Variants in SYNE1 observed in about 807,000 individuals in gnomAD.
SYNE1 encodes spectrin repeat containing nuclear envelope protein 1.
Under a neutral mutation model 1,111.0 loss-of-function variants are expected in SYNE1, and 616 were observed. The observed-to-expected ratio is 0.55, with a 90% CI of 0.52 to 0.59. SYNE1 has a LOEUF of 0.59. Among genes scored for constraint, SYNE1 ranks in the 20% least tolerant of loss-of-function variants. SYNE1 has a pLI of 0.00. For synonymous variants in SYNE1, 3,855 were observed against 3,825.8 expected (o/e 1.01, Z -0.28); for missense variants, 10,006 against 10,417.0 (o/e 0.96, Z 1.72).
In SYNE1 at chr6:152,189,337, G is replaced by T. The variant is rs149744490; in HGVS notation, c.23216C>A (p.Ser7739Tyr). The change falls in exon 128 of 146, where the codon TCT becomes TAT. Residue 7739 changes from serine (S) to tyrosine (Y), a missense_variant. This residue lies in a region of SYNE1 where 2,182 missense variants were observed against 2,287.8 expected (regional missense o/e 0.95). Transcript: ENST00000367255. Reference protein sequence around the residue: ...TQLSLLKDTLSAYISADDISI... With the variant: ...TQLSLLKDTLYAYISADDISI... The stretch of plus-strand genomic sequence containing the variant: ...GATATCATCAGCACTGATATAGGCA[G>T]AGAGGGTGTCCTTCAGCAGGCTCAA... The T allele has an allele frequency of 4.1e-5, 66 of 1,614,112 alleles. No individual in the cohort carries two copies. In the African/African-American group the frequency reaches 6.1e-4, roughly 15 times the overall value.
At chr6:152,433,549 AATG>A (rs1317123801) in intron 34 of SYNE1, 1 of 525,470 alleles carries the variant, frequency 1.9e-6, no homozygotes, top group African/African-American at 1.9e-5. Flanking sequence ...AAAATATTTT[AATG>A]ATATTTCACA....
chr6:152,507,584 C>A (rs1231481072), intron 8 of SYNE1, among the ~76,000 whole-genome samples: 1 of 151,984 alleles, frequency 6.6e-6, no homozygotes, highest in African/African-American at 2.4e-5. Flanking sequence ...TAGATATGAA[C>A]CAAAAGAAAG....
At chr6:152,172,435 T>C (rs2065442936) in intron 130 of SYNE1, among the ~76,000 whole-genome samples, 1 of 152,182 alleles carries the variant, frequency 6.6e-6, no homozygotes, top group Non-Finnish European at 1.5e-5. Flanking sequence ...GATTTAGGTT[T>C]AGCCGAGAGA....
rs146191372 is a variant in SYNE1, at chr6:152,201,674, A to C, written c.23145+150T>G. 844 of 1,059,044 alleles carry C rather than the reference A, an allele frequency of 8.0e-4. 5 individuals carry two copies. In the African/African-American group the frequency reaches 0.012, roughly 15 times the overall value. The allele number at this position is 1,059,044 out of a possible 1,614,324, so 65.6% of individuals were successfully genotyped here. A position where few individuals can be genotyped will look rare whatever the true frequency, so the allele number is the denominator to read the frequency against. On this transcript the variant is annotated intron_variant, in intron 127 of 145. Coordinates refer to ENST00000367255, the MANE Select transcript of SYNE1 (RefSeq NM_182961.4). ...ATCAACTGCAATAAATCAGCCATACAAGTTTCACCTGAGTTGCCTGTCCTT... is the reference window on the plus strand; with the variant it reads ...ATCAACTGCAATAAATCAGCCATACCAGTTTCACCTGAGTTGCCTGTCCTT...
chr6:152,454,426 G>C (rs934078853), intron 24 of SYNE1, among the ~76,000 whole-genome samples: 4 of 152,132 alleles, frequency 2.6e-5, no homozygotes, highest in Non-Finnish European at 5.9e-5. Flanking sequence ...TGCCATGTGA[G>C]GGCACAGGGA....
At chr6:152,208,264 A>C in intron 124 of SYNE1, 58 bp from the exon 125 acceptor site, 1 of 1,481,704 alleles carries the variant, frequency 6.7e-7, no homozygotes, top group South Asian at 1.1e-5. Context: ...GCAGTTACGC[A>C]ATCAGCCAAT....
At chr6:152,333,169 A>G (rs1050870789) in intron 77 of SYNE1, among the ~76,000 whole-genome samples, 3 of 152,192 alleles carry the variant, frequency 2.0e-5, no homozygotes, top group Non-Finnish European at 4.4e-5. Context: ...AAAGTATGGA[A>G]TGGTTTCATA....
intron 51 of SYNE1, among the ~76,000 whole-genome samples, chr6:152,393,820 G>A (rs1206067553): frequency 1.6e-5 from 2 of 127,830 alleles, no homozygotes; most frequent in Non-Finnish European, 3.4e-5. Context: ...CTGAATTCTG[G>A]AATTTCTTTT....
chr6:152,310,357 G>C, intron 89 of SYNE1, 39 bp downstream of exon 89: 1 of 1,612,932 alleles, frequency 6.2e-7, no homozygotes, highest in Non-Finnish European at 8.5e-7. Context: ...TAAAAATATA[G>C]GTCCCTGTCC....
At chr6:152,505,463 C>T in intron 8 of SYNE1, 66 bp from the exon 9 acceptor site, 1 of 1,538,116 alleles carries the variant, frequency 6.5e-7, no homozygotes, top group Non-Finnish European at 8.9e-7. Context: ...TCTTCAAGGC[C>T]TCATGCAAAA....
chr6:152,476,867 TAAAAAAA>T (rs4034729), intron 14 of SYNE1, among the ~76,000 whole-genome samples: 5 of 140,794 alleles, frequency 3.6e-5, no homozygotes, highest in South Asian at 4.6e-4. Context: ...AGACCCTATC[TAAAAAAA>T]AAAAAAAGAA....
At chr6:152,465,099 T>C (rs1431348835) in intron 18 of SYNE1, among the ~76,000 whole-genome samples, 159 bp downstream of exon 18, 1 of 152,162 alleles carries the variant, frequency 6.6e-6, no homozygotes, top group African/African-American at 2.4e-5. Flanking sequence ...AGTGTATTTA[T>C]TGGTCTGTTG....
At chr6:152,452,052 T>C (rs1334460024) in intron 25 of SYNE1, among the ~76,000 whole-genome samples, 2 of 151,414 alleles carry the variant, frequency 1.3e-5, no homozygotes, top group African/African-American at 4.9e-5. Context: ...GCTGACCACC[T>C]GCCATATCCT....
Position 152,451,036 on chromosome 6 carries a change from G to A in SYNE1, c.3186+11C>T. 6 of 1,614,018 alleles carry A rather than the reference G, an allele frequency of 3.7e-6. No homozygotes were observed. Among genetic ancestry groups the A allele is most frequent in the Non-Finnish European group, 5.1e-6 (6 of 1,179,996 alleles). On this transcript the variant is annotated intron_variant, in intron 26 of 145. Coordinates refer to ENST00000367255, the MANE Select transcript of SYNE1 (RefSeq NM_182961.4). ...GACACGGCTATCCACATTGTGGTGT[G>A]GGAGACGTACCCTGTGCTCTTTAAT... is the stretch of plus-strand genomic sequence containing the variant.
intron 6 of SYNE1, among the ~76,000 whole-genome samples, chr6:152,512,654 A>G (rs2099090933): frequency 6.6e-6 from 1 of 152,194 alleles, no homozygotes; most frequent in Admixed American, 6.5e-5. Flanking sequence ...GAAATTGTAC[A>G]TTGTTAACAT....
chr6:152,224,970 T>C (rs968352330), intron 116 of SYNE1, among the ~76,000 whole-genome samples: 5 of 147,362 alleles, frequency 3.4e-5, no homozygotes, highest in South Asian at 2.1e-4. Flanking sequence ...TATATATATA[T>C]ACATATATGT....
At chr6:152,553,288 T>TG (rs2128156221) in intron 3 of SYNE1, among the ~76,000 whole-genome samples, 1 of 152,284 alleles carries the variant, frequency 6.6e-6, no homozygotes, top group Non-Finnish European at 1.5e-5. Flanking sequence ...AATTGCCCAT[T>TG]GGGGTTTCCA....
intron 58 of SYNE1, among the ~76,000 whole-genome samples, chr6:152,373,465 A>G (rs1408189107): frequency 1.3e-5 from 2 of 151,960 alleles, no homozygotes; most frequent in African/African-American, 4.8e-5. Context: ...TATTTTTAGT[A>G]AAGACGGGGT....
At chr6:152,532,612 G>T (rs537012229) in intron 4 of SYNE1, among the ~76,000 whole-genome samples, 1 of 152,276 alleles carries the variant, frequency 6.6e-6, no homozygotes, top group East Asian at 1.9e-4. Flanking sequence ...ACCTGAGATA[G>T]TCACAACATT....
Sources: allele counts gnomAD v4.1 joint callset (sites outside exome capture counted in the v4.1 genomes callset), GRCh38; gene constraint gnomAD v4.1.1; regional missense constraint gnomAD v4.1.1; transcripts MANE v1.5; gene names NCBI Gene and HGNC (gene_info 2026-07-23, HGNC 2026-07-21).